Variants in ABCD4 observed in about 807,000 individuals in gnomAD.
ABCD4 encodes the protein ATP binding cassette subfamily D member 4.
ABCD4 carries 53 observed loss-of-function variants against 86.3 expected under a neutral mutation model. That is an observed-to-expected ratio of 0.61 (90% CI 0.49 to 0.77). ABCD4 has a LOEUF of 0.77. ABCD4 is among the 30% of genes least tolerant of loss of function. ABCD4 has a pLI of 0.00. For missense variants in ABCD4, 757 were observed against 764.5 expected, an observed-to-expected ratio of 0.99 and a Z score of 0.12; for synonymous variants, 328 against 313.6, an observed-to-expected ratio of 1.05 and a Z score of -0.49.
At chr14:74,288,839 C>T (rs1184120274) in intron 14 of ABCD4, 74 bp from the exon 15 acceptor site, 7 of 1,549,016 alleles carry the variant, frequency 4.5e-6, no homozygotes, top group Non-Finnish European at 6.1e-6. Flanking sequence ...CAAGGCTGTG[C>T]ACAGTGGCTC....
chr14:74,288,686 CG>C, intron 15 of ABCD4, 29 bp downstream of exon 15: 1 of 1,610,926 alleles, frequency 6.2e-7, no homozygotes, highest in Non-Finnish European at 8.5e-7. Flanking sequence ...CAGGTGGGCT[CG>C]GGTCCTGAGG....
At chr14:74,296,768 G>A (rs1001521642) in intron 4 of ABCD4, 1 of 265,752 alleles carries the variant, frequency 3.8e-6, no homozygotes, top group African/African-American at 2.2e-5. Flanking sequence ...TAGATGAGCT[G>A]TTTTGGATGA....
intron 17 of ABCD4, among the ~76,000 whole-genome samples, chr14:74,287,031 C>T (rs1262994461): frequency 6.6e-6 from 1 of 152,164 alleles, no homozygotes; most frequent in African/African-American, 2.4e-5. Flanking sequence ...TGAAATCTCT[C>T]AGCTTCTATA....
At position 74,289,915 on chromosome 14, in the gene ABCD4, C is replaced by T. The variant is rs969461188; in HGVS notation, c.1419+112G>A. 7.7e-6 allele frequency: 12 copies of T among 1,561,792 alleles called. No homozygotes were observed. The African/African-American group carries it at 1.1e-4, about 14-fold the overall frequency. On this transcript the variant is annotated intron_variant, in intron 13 of 18. Transcript: ENST00000356924. ...TTCCCAGGCCCGGGCCACTTCACCA[C>T]CTCACCTTTTGCCCTGACTCTAGGA...
chr14:74,296,048 C>T, intron 5 of ABCD4, 69 bp from the exon 6 acceptor site: 1 of 1,532,172 alleles, frequency 6.5e-7, no homozygotes. Context: ...TGCCTCAGCC[C>T]TGACTCCTGT....
At chr14:74,298,140 C>A in intron 3 of ABCD4, 71 bp from the exon 4 acceptor site, 1 of 1,571,900 alleles carries the variant, frequency 6.4e-7, no homozygotes, top group Non-Finnish European at 8.6e-7. Flanking sequence ...GCTCAAGGCT[C>A]GCAAGAGCCT....
rs2079884652 is a variant in ABCD4, at chr14:74,286,796, C to T, written c.1657G>A (p.Ala553Thr). The part of the protein sequence containing the change: ...KYAVLDEATS[A>T]LTEEVESELY... The stretch of plus-strand genomic sequence containing the variant: ...TCGCTCTCCACTTCCTCTGTCAGGG[C>T]ACTGGTGGCTTCATCAAGCACTGAG... The change falls in exon 18 of 19, where the codon GCC becomes ACC. Residue 553 changes from alanine (A) to threonine (T), a missense_variant. By Grantham distance (58) the Ala-to-Thr change is moderately conservative. Transcript: ENST00000356924. 6.2e-7 allele frequency: 1 copy of T among 1,614,082 alleles called. No individual in the cohort carries two copies. Among genetic ancestry groups the T allele is most frequent in the Non-Finnish European group, 8.5e-7 (1 of 1,180,034 alleles).
chr14:74,299,627 C>T lies in ABCD4; in HGVS notation c.206G>A (p.Gly69Glu). ...TTCCAAGTCTTTGTTTCCCAGGACC[C>T]CATAGTACTGACTGGGGATCAAGCC... The part of the protein sequence containing the change: ...QVGLIPSQYY[G>E]VLGNKDLEGF... The change falls in exon 3 of 19, where the codon GGG (glycine) becomes GAG (glutamate). Residue 69 changes from glycine to glutamate, a missense_variant. Coordinates refer to ENST00000356924, the MANE Select transcript of ABCD4 (RefSeq NM_005050.4). The T allele has an allele frequency of 6.2e-7, 1 of 1,613,744 alleles. No individual in the cohort carries two copies. Among genetic ancestry groups the T allele is most frequent in the Non-Finnish European group, 8.5e-7 (1 of 1,179,786 alleles).
intron 14 of ABCD4, chr14:74,289,167 C>A: frequency 8.3e-7 from 1 of 1,204,198 alleles, no homozygotes; most frequent in Non-Finnish European, 1.0e-6. Flanking sequence ...ATGGATGATG[C>A]AGGGGTGGGG....
At chr14:74,288,022 C>A in intron 16 of ABCD4, 136 bp from the exon 17 acceptor site, 1 of 1,053,184 alleles carries the variant, frequency 9.5e-7, no homozygotes, top group Non-Finnish European at 1.4e-6. Context: ...CCCTTTCGAC[C>A]ATAGGCCTAC....
chr14:74,288,648 G>A lies in ABCD4; in HGVS notation c.1506+68C>T, dbSNP rs775514847. 19 of 1,565,768 alleles carry A rather than the reference G, an allele frequency of 1.2e-5. No individual in the cohort carries two copies. In the South Asian group the frequency reaches 2.2e-4, roughly 18 times the overall value. Reference sequence around the variant, plus strand: ...CCTGGGCCCAAGCATAGCAGGGCCAGCACCTGCCTACCTGTAGCTGGTGCT... The same window carrying A: ...CCTGGGCCCAAGCATAGCAGGGCCAACACCTGCCTACCTGTAGCTGGTGCT... On this transcript the variant is annotated intron_variant, in intron 15 of 18. Transcript: ENST00000356924.
Position 74,290,099 on chromosome 14 carries a change from C to G in ABCD4, c.1347G>C (p.Thr449=), listed in dbSNP as rs374456797. The G allele has an allele frequency of 1.9e-6, 3 of 1,614,096 alleles. No homozygotes were observed. In the South Asian group the frequency reaches 3.3e-5, roughly 18 times the overall value. The change falls in exon 13 of 19, where the codon ACG becomes ACC. Residue 449 remains threonine (T), a synonymous_variant. Transcript: ENST00000356924. ...ATAGCACCCCATGGGGCCCAAAGTC[C>G]GTCAGCATCTGCACTGAGCCTGCAG... is the stretch of plus-strand genomic sequence containing the variant. The part of the protein sequence containing the change: ...TSTRGSVQML[T]DFGPHGVLFL...
At chr14:74,288,101 C>T (rs1459998667) in intron 16 of ABCD4, 106 bp downstream of exon 16, 27 of 1,337,514 alleles carry the variant, frequency 2.0e-5, no homozygotes, top group Non-Finnish European at 2.6e-5. Flanking sequence ...ACCAGCCAAA[C>T]ATCTGGACTT....
In ABCD4 at chr14:74,292,819, T is replaced by C. The variant is rs1161449440; in HGVS notation, c.865A>G (p.Ile289Val). 1 of 1,614,150 alleles carries C rather than the reference T, an allele frequency of 6.2e-7. No individual in the cohort carries two copies. The highest frequency in any genetic ancestry group is 2.2e-5 in the East Asian group (1 of 44,870). Residue 289 changes from isoleucine (I) to valine (V), a missense_variant, in exon 9 of 19, where the codon ATC becomes GTC. Physicochemically the swap from Ile to Val is conservative, Grantham distance 29. Transcript: ENST00000356924. ...ACCCCGCTGAAAATGGGGATTGCGA[T>C]GACAACGTAACTCAGGATGCTGCCC... is the stretch of plus-strand genomic sequence containing the variant. ...YLGSILSYVV[I>V]AIPIFSGVYG...
chr14:74,288,415 GC>G, intron 15 of ABCD4, 156 bp from the exon 16 acceptor site: 1 of 725,932 alleles, frequency 1.4e-6, no homozygotes, highest in Non-Finnish European at 2.2e-6. Flanking sequence ...GGGACAGTCT[GC>G]CCCAGGCAGA....
intron 2 of ABCD4, 115 bp from the exon 3 acceptor site, chr14:74,299,790 G>A (rs1484776509): frequency 2.1e-5 from 22 of 1,054,738 alleles, no homozygotes; most frequent in Non-Finnish European, 2.3e-5. Flanking sequence ...GGCCGGGCGC[G>A]GTGGCTCACG....
chr14:74,286,256 GAAC>G lies in ABCD4; in HGVS notation c.*202_*204del. 1 of 580,104 alleles carries G rather than the reference GAAC, an allele frequency of 1.7e-6. No individual in the cohort carries two copies. Among genetic ancestry groups the G allele is most frequent in the Non-Finnish European group, 3.1e-6 (1 of 327,634 alleles). 35.9% of individuals were successfully genotyped at this position (580,104 alleles called of 1,614,324 possible). On this transcript the variant is annotated 3_prime_UTR_variant, in exon 19 of 19. Transcript: ENST00000356924. ...TGAGGCAGCAGAGTCCTGGGAGACT[GAAC>G]ACTGGGAGATTCAGTGTCCCCCACA...
intron 17 of ABCD4, 136 bp downstream of exon 17, chr14:74,287,674 C>G (rs2080184343): frequency 2.6e-6 from 2 of 781,472 alleles, no homozygotes; most frequent in Non-Finnish European, 4.3e-6. Flanking sequence ...ACGGGCAGGG[C>G]CTGCTGTCCT....
chr14:74,288,340 CCAGCATACACACA>C, intron 15 of ABCD4, 81 bp from the exon 16 acceptor site: 3 of 1,356,108 alleles, frequency 2.2e-6, no homozygotes, highest in Non-Finnish European at 3.1e-6. Context: ...CCCTCACTCC[CCAGCATACACACA>C]CACCTCTAAG....
Sources: gnomAD v4.1 joint callset for allele counts (sites outside exome capture counted in the v4.1 genomes callset) on GRCh38, gnomAD v4.1.1 for gene constraint, MANE v1.5 for transcripts, NCBI Gene and HGNC (gene_info 2026-07-23, HGNC 2026-07-21) for gene names.